C13orf42: variants seen among roughly 807,000 people sequenced by gnomAD.
C13orf42 encodes the protein chromosome 13 open reading frame 42.
At chr13:51,152,997 G>A (rs1268344097) in intron 1 of C13orf42, among the ~76,000 whole-genome samples, 1 of 152,178 alleles carries the variant, frequency 6.6e-6, no homozygotes, top group Non-Finnish European at 1.5e-5. Flanking sequence ...AACCAGGGCT[G>A]GCTTCTTGGG....
chr13:51,156,686 G>T (rs1953826497), intron 1 of C13orf42, among the ~76,000 whole-genome samples: 1 of 152,206 alleles, frequency 6.6e-6, no homozygotes, highest in African/African-American at 2.4e-5. Context: ...GAAAAAATCG[G>T]TATCTACAAA....
intron 1 of C13orf42, among the ~76,000 whole-genome samples, chr13:51,090,933 A>T (rs1953174882): frequency 1.3e-5 from 2 of 152,248 alleles, no homozygotes; most frequent in East Asian, 1.9e-4. Context: ...ACTCTCTGTC[A>T]TCCAAGCTAG....
At chr13:51,162,887 C>G (rs1953877146) in intron 1 of C13orf42, among the ~76,000 whole-genome samples, 1 of 152,204 alleles carries the variant, frequency 6.6e-6, no homozygotes, top group Admixed American at 6.6e-5. Context: ...TTTTGCTTCC[C>G]TAGCACCGTG....
intron 1 of C13orf42, among the ~76,000 whole-genome samples, chr13:51,125,665 C>A (rs1391833046): frequency 6.6e-6 from 1 of 152,054 alleles, no homozygotes; most frequent in African/African-American, 2.4e-5. Context: ...AGCTCCACCC[C>A]CCAGTGTCTA....
At chr13:51,118,594 T>A (rs1192839629) in intron 1 of C13orf42, among the ~76,000 whole-genome samples, 1 of 152,190 alleles carries the variant, frequency 6.6e-6, no homozygotes, top group Non-Finnish European at 1.5e-5. Context: ...TGGTTTTTTT[T>A]ACACAGGCAG....
At chr13:51,111,694 G>A (rs1184284167), upstream of C13orf42, among the ~76,000 whole-genome samples, 1 of 152,166 alleles carries the variant, frequency 6.6e-6, no homozygotes, top group East Asian at 1.9e-4. Flanking sequence ...TGAATTCTCT[G>A]AATCCAAAAT....
At chr13:51,169,353 A>G (rs1408420269) in intron 1 of C13orf42, among the ~76,000 whole-genome samples, 3 of 152,368 alleles carry the variant, frequency 2.0e-5, no homozygotes, top group African/African-American at 7.2e-5. Context: ...AGGAGCAAAC[A>G]GATGATCTGA....
intron 1 of C13orf42, among the ~76,000 whole-genome samples, chr13:51,106,150 T>G (rs1210698772): frequency 1.3e-5 from 2 of 152,196 alleles, no homozygotes; most frequent in African/African-American, 4.8e-5. Flanking sequence ...CAGGTAGCCA[T>G]GTGAAAAGAA....
chr13:51,140,339 C>T (rs575854962), intron 1 of C13orf42, among the ~76,000 whole-genome samples: 1 of 152,342 alleles, frequency 6.6e-6, no homozygotes, highest in South Asian at 2.1e-4. Context: ...CCCTGACCAC[C>T]TTCAGCACAT....
chr13:51,117,633 C>T (rs1953502227), intron 1 of C13orf42, among the ~76,000 whole-genome samples: 1 of 149,886 alleles, frequency 6.7e-6, no homozygotes, highest in African/African-American at 2.5e-5. Context: ...ATCTGCGGTC[C>T]AGTATTTTTT....
chr13:51,097,399 A>G (rs995227320), intron 1 of C13orf42, among the ~76,000 whole-genome samples: 2 of 152,170 alleles, frequency 1.3e-5, no homozygotes, highest in Non-Finnish European at 1.5e-5. Context: ...GTCCTTTTAT[A>G]AATTATACTT....
At chr13:51,147,643 C>T (rs953601601) in intron 1 of C13orf42, among the ~76,000 whole-genome samples, 7 of 152,068 alleles carry the variant, frequency 4.6e-5, no homozygotes, top group Admixed American at 3.3e-4. Context: ...GCTGGAGAAT[C>T]GCTTGAACCC....
At chr13:51,119,084 G>A (rs1953513555) in intron 1 of C13orf42, among the ~76,000 whole-genome samples, 1 of 150,914 alleles carries the variant, frequency 6.6e-6, no homozygotes, top group African/African-American at 2.5e-5. Flanking sequence ...GTGTGCCCAG[G>A]TGTATGGCAT....
chr13:51,111,870 G>A (rs1322361877), upstream of C13orf42, among the ~76,000 whole-genome samples: 1 of 93,244 alleles, frequency 1.1e-5, no homozygotes, highest in Non-Finnish European at 2.1e-5. Flanking sequence ...CGTCCTGGAA[G>A]AGCCTCGCCC....
At chr13:51,153,704 A>G (rs1175437027) in intron 1 of C13orf42, among the ~76,000 whole-genome samples, 1 of 138,430 alleles carries the variant, frequency 7.2e-6, no homozygotes, top group African/African-American at 2.8e-5. Flanking sequence ...CAGTGATGCA[A>G]TCTCTCAGCT....
chr13:51,131,738 A>G (rs1190180037), intron 1 of C13orf42, among the ~76,000 whole-genome samples: 2 of 152,268 alleles, frequency 1.3e-5, no homozygotes, highest in African/African-American at 4.8e-5. Flanking sequence ...AATCAAGCCA[A>G]GTATAATAAA....
rs1262544332 is a variant in C13orf42 at position 51,083,944 on chromosome 13, A to G, written c.*207T>C. On this transcript the variant is annotated 3_prime_UTR_variant, in exon 4 of 4. Transcript: ENST00000563710. ...CCTGGTCATCAGCCCACGCAGAGAA[A>G]CTCAAGCTCTGAGAGTGTCCTGAGA... is the stretch of plus-strand genomic sequence containing the variant. 2 of 375,212 alleles carry G rather than the reference A, an allele frequency of 5.3e-6. No individual in the cohort carries two copies. The highest frequency in any genetic ancestry group is 4.2e-5 in the African/African-American group (2 of 48,024). The allele number at this position is 375,212 out of a possible 1,614,324, so 23.2% of individuals were successfully genotyped here. A position where few individuals can be genotyped will look rare whatever the true frequency, so the allele number is the denominator to read the frequency against.
intron 1 of C13orf42, among the ~76,000 whole-genome samples, chr13:51,155,705 G>A (rs974768783): frequency 5.3e-5 from 8 of 152,138 alleles, no homozygotes; most frequent in Non-Finnish European, 4.4e-5. Flanking sequence ...AACGGCTACC[G>A]CATTCTTCTA....
chr13:51,105,046 A>G (rs886686697), intron 1 of C13orf42, among the ~76,000 whole-genome samples: 3 of 152,190 alleles, frequency 2.0e-5, no homozygotes, highest in Non-Finnish European at 4.4e-5. Context: ...CAGCAGGACA[A>G]CTTGTTACTT....
Sources: gnomAD v4.1 joint callset for allele counts (sites outside exome capture counted in the v4.1 genomes callset) on GRCh38, gnomAD v4.1.1 for gene constraint, MANE v1.5 for transcripts, NCBI Gene and HGNC (gene_info 2026-07-23, HGNC 2026-07-21) for gene names.